Variants in ZNF385D observed in about 807,000 individuals in gnomAD.
The protein encoded by ZNF385D is zinc finger protein 385D.
In ZNF385D, 15 loss-of-function variants were observed where a neutral mutation model predicts 35.8. The observed-to-expected ratio is 0.42, with a 90% CI of 0.28 to 0.64. The LOEUF (loss-of-function observed/expected upper bound fraction) is 0.64. Ranked by LOEUF, ZNF385D falls within the 30% of genes least tolerant of loss-of-function variation. ZNF385D has a pLI of 0.23. For missense variants in ZNF385D, 474 were observed against 494.6 expected (o/e 0.96, Z 0.39); for synonymous variants, 212 against 186.8 (o/e 1.13, Z -1.10).
chr3:22,281,973 G>A (rs145547018), intron 2 of ZNF385D, among the ~76,000 whole-genome samples: 82 of 152,100 alleles, frequency 5.4e-4, no homozygotes, highest in African/African-American at 2.0e-3. Context: ...GTTTAATCTA[G>A]GAGGGTTGTA....
rs1027511903 is a variant in ZNF385D at position 21,507,842 on chromosome 3, T to C, written c.439+3019A>G. Among the ~76,000 whole-genome samples, 16 of 152,310 alleles carry C rather than the reference T, an allele frequency of 1.1e-4. No homozygotes were observed. In the South Asian group the frequency reaches 1.2e-3, roughly 12 times the overall value. On this transcript the variant is annotated intron_variant, in intron 4 of 7. Coordinates refer to ENST00000281523, the MANE Select transcript of ZNF385D (RefSeq NM_024697.3). ...GAAAACTCAAATTTGTTAGCCTAGA[T>C]GCCTCAGGTTTATACTGCAATACAA...
chr3:21,853,682 C>G (rs552300497), intron 3 of ZNF385D, among the ~76,000 whole-genome samples: 1 of 151,564 alleles, frequency 6.6e-6, no homozygotes, highest in Non-Finnish European at 1.5e-5. Flanking sequence ...GATTTTATTA[C>G]GTGTTAATGT....
intron 3 of ZNF385D, among the ~76,000 whole-genome samples, chr3:22,044,349 T>C (rs553827432): frequency 3.6e-4 from 55 of 152,090 alleles, no homozygotes; most frequent in Non-Finnish European, 6.8e-4. Context: ...TGTCCTAAAA[T>C]GGCTGCTTGA....
At chr3:21,872,040 A>T (rs960629740) in intron 3 of ZNF385D, among the ~76,000 whole-genome samples, 2 of 152,274 alleles carry the variant, frequency 1.3e-5, no homozygotes, top group African/African-American at 4.8e-5. Flanking sequence ...TAATTTTTAA[A>T]AAAAGATTTT....
intron 3 of ZNF385D, among the ~76,000 whole-genome samples, chr3:22,146,111 A>G (rs1704836153): frequency 6.6e-6 from 1 of 152,154 alleles, no homozygotes; most frequent in Admixed American, 6.6e-5. Flanking sequence ...AGGTACAAGT[A>G]CTTCAGGAGT....
intron 1 of ZNF385D, among the ~76,000 whole-genome samples, chr3:21,746,346 G>T (rs967822732): frequency 1.3e-5 from 2 of 152,144 alleles, no homozygotes; most frequent in African/African-American, 4.8e-5. Context: ...GATGTGATAA[G>T]GAATCCATGT....
chr3:22,252,161 T>C lies in ZNF385D; in HGVS notation c.107-83126A>G, dbSNP rs115739445. Among the ~76,000 whole-genome samples, 1,331 of 152,170 alleles carry C rather than the reference T, an allele frequency of 8.7e-3. 17 individuals carry two copies. The highest frequency in any genetic ancestry group is 0.03 in the African/African-American group (1,258 of 41,528). On this transcript the variant is annotated intron_variant, in intron 2 of 5. Transcript: ENST00000494108. ...TGTAAACATTAGACTGTGATAATAT[T>C]ATTTGCCTCAGAATTTCAAAGAATT...
chr3:21,846,118 A>G (rs1461477168), intron 3 of ZNF385D, among the ~76,000 whole-genome samples: 1 of 152,010 alleles, frequency 6.6e-6, no homozygotes, highest in Non-Finnish European at 1.5e-5. Flanking sequence ...AATAATTGCA[A>G]TTACATATTA....
chr3:21,821,525 TTAAC>T (rs1285815356), intron 3 of ZNF385D, among the ~76,000 whole-genome samples: 5 of 152,200 alleles, frequency 3.3e-5, no homozygotes, highest in African/African-American at 4.8e-5. Context: ...ATAAGAATGA[TTAAC>T]TAAACAAAAA....
chr3:21,669,824 C>T (rs558201348), intron 1 of ZNF385D, among the ~76,000 whole-genome samples: 7 of 152,036 alleles, frequency 4.6e-5, no homozygotes, highest in Non-Finnish European at 8.8e-5. Context: ...TTTTTCTCTT[C>T]GCTTATCTTG....
At chr3:21,815,232 G>T (rs1388313228) in intron 3 of ZNF385D, among the ~76,000 whole-genome samples, 1 of 152,146 alleles carries the variant, frequency 6.6e-6, no homozygotes, top group Non-Finnish European at 1.5e-5. Flanking sequence ...AGAGAAAGCA[G>T]GAAAGATCTA....
chr3:21,530,646 G>A (rs920653423), intron 3 of ZNF385D, among the ~76,000 whole-genome samples: 7 of 152,112 alleles, frequency 4.6e-5, no homozygotes, highest in Non-Finnish European at 1.0e-4. Flanking sequence ...GAGACCCTCA[G>A]CATGATCAAA....
chr3:22,195,619 A>C (rs556047846), intron 2 of ZNF385D, among the ~76,000 whole-genome samples: 21 of 152,094 alleles, frequency 1.4e-4, no homozygotes, highest in African/African-American at 4.8e-4. Context: ...TATATTCTGA[A>C]ATTTTCAAAA....
chr3:21,751,610 T>G (rs1301346242), upstream of ZNF385D, among the ~76,000 whole-genome samples: 1 of 152,088 alleles, frequency 6.6e-6, no homozygotes. Context: ...TGCTGTGGGC[T>G]TGAGGGTTTG....
chr3:22,362,658 T>C (rs1696467583), intron 2 of ZNF385D, among the ~76,000 whole-genome samples: 1 of 152,104 alleles, frequency 6.6e-6, no homozygotes, highest in East Asian at 1.9e-4. Context: ...TCTCAATGCC[T>C]AGCTTTTTAA....
intron 2 of ZNF385D, among the ~76,000 whole-genome samples, chr3:22,304,124 A>T (rs1485721634): frequency 6.6e-6 from 1 of 152,124 alleles, no homozygotes; most frequent in Non-Finnish European, 1.5e-5. Flanking sequence ...TCTTAATAAA[A>T]ATCTGGCTTA....
intron 3 of ZNF385D, among the ~76,000 whole-genome samples, chr3:21,881,144 T>G (rs185919355): frequency 1.3e-5 from 2 of 152,086 alleles, no homozygotes; most frequent in Admixed American, 1.3e-4. Context: ...GCTAAGGTCA[T>G]TGATGAAGGA....
At chr3:21,865,058 T>G (rs1177250306) in intron 3 of ZNF385D, among the ~76,000 whole-genome samples, 4 of 135,952 alleles carry the variant, frequency 2.9e-5, no homozygotes, top group Non-Finnish European at 6.3e-5. Flanking sequence ...TTTTTTTTTT[T>G]TTTTTTTTTT....
Position 21,855,009 on chromosome 3 carries a change from A to G in ZNF385D, c.326-189981T>C, listed in dbSNP as rs1559693946. Among the ~76,000 whole-genome samples the G allele has an allele frequency of 2.6e-5, 4 of 152,038 alleles. No homozygotes were observed. In the South Asian group the frequency reaches 8.3e-4, roughly 32 times the overall value. ...ATGTGACTGGCTGGCACTCACATCT[A>G]TACAACATGATTTTTACCCATATCC... On this transcript the variant is annotated intron_variant, in intron 3 of 5. Transcript: ENST00000494108.
Sources: gnomAD v4.1 joint callset for allele counts (sites outside exome capture counted in the v4.1 genomes callset) on GRCh38, gnomAD v4.1.1 for gene constraint, MANE v1.5 for transcripts, NCBI Gene and HGNC (gene_info 2026-07-23, HGNC 2026-07-21) for gene names.